The following UBE2K variants were observed in gnomAD, a reference collection of about 807,000 sequenced individuals.
The protein encoded by UBE2K is ubiquitin conjugating enzyme E2 K.
A neutral mutation model predicts 30.0 loss-of-function variants in UBE2K; 6 were observed. The ratio of observed to expected loss-of-function variants is 0.20; its 90% confidence interval spans 0.11 to 0.39. UBE2K has a LOEUF of 0.39. Ranked by LOEUF, UBE2K falls within the 10% of genes least tolerant of loss-of-function variation. The pLI is 1.00. For synonymous variants in UBE2K, 86 were observed against 83.7 expected (o/e 1.03, Z -0.15); for missense variants, 61 against 241.6 (o/e 0.25, Z 4.96).
chr4:39,773,255 G>T (rs918907137), intron 4 of UBE2K, among the ~76,000 whole-genome samples: 1 of 151,268 alleles, frequency 6.6e-6, no homozygotes, highest in Non-Finnish European at 1.5e-5. Flanking sequence ...GGATCACAAG[G>T]TCAGGAGATC....
At chr4:39,738,830 C>T (rs1720515050) in intron 2 of UBE2K, among the ~76,000 whole-genome samples, 1 of 151,856 alleles carries the variant, frequency 6.6e-6, no homozygotes, top group South Asian at 2.1e-4. Context: ...GGCGCACCAC[C>T]ATGCCGGCTA....
chr4:39,763,344 C>G (rs185191415), intron 4 of UBE2K, among the ~76,000 whole-genome samples: 1 of 151,496 alleles, frequency 6.6e-6, no homozygotes, highest in African/African-American at 2.4e-5. Context: ...CTCCACCTCC[C>G]GGGTGCAAGT....
intron 1 of UBE2K, among the ~76,000 whole-genome samples, chr4:39,699,225 CAG>C (rs1171192370): frequency 1.3e-5 from 2 of 152,168 alleles, no homozygotes; most frequent in Non-Finnish European, 2.9e-5. Context: ...AGTTACAGAT[CAG>C]AGAGACTGTC....
intron 1 of UBE2K, among the ~76,000 whole-genome samples, chr4:39,709,181 A>G (rs1718538763): frequency 6.6e-6 from 1 of 152,038 alleles, no homozygotes; most frequent in South Asian, 2.1e-4. Flanking sequence ...GACATAATTA[A>G]ACATTCAGTA....
chr4:39,733,365 G>A (rs968945425), intron 1 of UBE2K, among the ~76,000 whole-genome samples: 1 of 127,906 alleles, frequency 7.8e-6, no homozygotes, highest in Middle Eastern at 5.7e-3. Flanking sequence ...ACAGAATCTC[G>A]GTCTATCATC....
chr4:39,755,939 A>G (rs1389457562), intron 4 of UBE2K, among the ~76,000 whole-genome samples, 200 bp downstream of exon 4: 1 of 152,236 alleles, frequency 6.6e-6, no homozygotes, highest in East Asian at 1.9e-4. Context: ...TTGTTAGATA[A>G]TGTTAGATGC....
intron 1 of UBE2K, among the ~76,000 whole-genome samples, chr4:39,725,019 T>C (rs1432484475): frequency 6.6e-6 from 1 of 152,190 alleles, no homozygotes; most frequent in Non-Finnish European, 1.5e-5. Context: ...ATTTTTCTTT[T>C]TTAGTTTTTT....
intron 2 of UBE2K, among the ~76,000 whole-genome samples, chr4:39,737,981 A>G (rs552393269): frequency 2.6e-5 from 4 of 152,276 alleles, no homozygotes; most frequent in South Asian, 2.1e-4. Context: ...TTCTTTATTC[A>G]GGAAAGCTTT....
chr4:39,740,641 T>C (rs1466154590), intron 2 of UBE2K, among the ~76,000 whole-genome samples: 1 of 151,446 alleles, frequency 6.6e-6, no homozygotes, highest in East Asian at 1.9e-4. Context: ...GGCGGGCAGA[T>C]CACGAGGTCA....
intron 1 of UBE2K, among the ~76,000 whole-genome samples, chr4:39,702,231 C>CTTTTTTTTTTTTTTTTTTTTT (rs564712672): frequency 1.2e-4 from 8 of 67,388 alleles, no homozygotes; most frequent in Non-Finnish European, 1.9e-4. Flanking sequence ...CTTTTCTTTT[C>CTTTTTTTTTTTTTTTTTTTTT]TTTTTTTTTT....
At chr4:39,754,620 A>G (rs573542540) in intron 3 of UBE2K, among the ~76,000 whole-genome samples, 148 of 152,146 alleles carry the variant, frequency 9.7e-4, no homozygotes, top group African/African-American at 3.5e-3. Flanking sequence ...AGTAATCCTC[A>G]TGCCTCAGCT....
chr4:39,712,533 A>T (rs993393506), intron 1 of UBE2K, among the ~76,000 whole-genome samples: 1 of 151,070 alleles, frequency 6.6e-6, no homozygotes, highest in Admixed American at 6.6e-5. Flanking sequence ...GTGTTCAAGC[A>T]ATTCTCCTGC....
At chr4:39,724,500 A>G (rs948907580) in intron 1 of UBE2K, among the ~76,000 whole-genome samples, 1 of 145,102 alleles carries the variant, frequency 6.9e-6, no homozygotes, top group Non-Finnish European at 1.5e-5. Flanking sequence ...TAATCCTAGC[A>G]CTTTGGGAGG....
intron 4 of UBE2K, among the ~76,000 whole-genome samples, chr4:39,759,037 T>A (rs988900245): frequency 6.6e-6 from 1 of 152,196 alleles, no homozygotes; most frequent in Non-Finnish European, 1.5e-5. Flanking sequence ...TTCCCAGAGC[T>A]TTACTGAGGT....
intron 3 of UBE2K, among the ~76,000 whole-genome samples, chr4:39,754,522 G>GT (rs996563857): frequency 2.0e-5 from 3 of 152,020 alleles, no homozygotes; most frequent in African/African-American, 7.2e-5. Context: ...TAAAGAGTCC[G>GT]TTTTTTTCCA....
intron 1 of UBE2K, among the ~76,000 whole-genome samples, chr4:39,703,179 C>T (rs917919435): frequency 6.6e-6 from 1 of 151,832 alleles, no homozygotes; most frequent in Non-Finnish European, 1.5e-5. Context: ...TTAGTAGAGA[C>T]GGGGGTTTCA....
At chr4:39,759,217 G>A (rs1711708963) in intron 4 of UBE2K, among the ~76,000 whole-genome samples, 1 of 151,984 alleles carries the variant, frequency 6.6e-6, no homozygotes, top group Non-Finnish European at 1.5e-5. Context: ...TTTTATTAAT[G>A]CATCTAGGGG....
intron 4 of UBE2K, among the ~76,000 whole-genome samples, chr4:39,762,280 T>A (rs1286776275): frequency 6.6e-6 from 1 of 152,104 alleles, no homozygotes; most frequent in Non-Finnish European, 1.5e-5. Flanking sequence ...CAAGCTGGTC[T>A]CAAGCACCTG....
intron 3 of UBE2K, among the ~76,000 whole-genome samples, chr4:39,755,053 C>T (rs1452751678): frequency 6.6e-6 from 1 of 152,172 alleles, no homozygotes; most frequent in African/African-American, 2.4e-5. Context: ...AATCTGGAAT[C>T]AGATTGTGGG....
Sources: gnomAD v4.1 joint callset for allele counts (sites outside exome capture counted in the v4.1 genomes callset) on GRCh38, gnomAD v4.1.1 for gene constraint, MANE v1.5 for transcripts, NCBI Gene and HGNC (gene_info 2026-07-23, HGNC 2026-07-21) for gene names.